Variants in CHD6 observed in about 807,000 individuals in gnomAD.
The protein encoded by CHD6 is chromodomain helicase DNA binding protein 6, also known as ATP-dependent chromatin remodeler CHD6.
Under a neutral mutation model 276.9 loss-of-function variants are expected in CHD6, and 50 were observed. The ratio of observed to expected loss-of-function variants is 0.18; its 90% confidence interval spans 0.14 to 0.23. The LOEUF (loss-of-function observed/expected upper bound fraction) is 0.23. CHD6 is among the 10% of genes least tolerant of loss of function. The probability of loss-of-function intolerance (pLI) is 1.00; values close to 1 mark genes in which losing one functional copy is unlikely to be tolerated. For missense variants in CHD6, 2,564 were observed against 3,365.8 expected (o/e 0.76, Z 5.89); for synonymous variants, 1,173 against 1,229.3 (o/e 0.95, Z 0.96).
chr20:41,473,476 A>G lies in CHD6; in HGVS notation c.2510T>C (p.Leu837Pro). ...ERIDGRVRGN[L>P]RQAAIDRFCK... The stretch of plus-strand genomic sequence containing the variant: ...GAACCGGTCGATGGCTGCCTGGCGC[A>G]GGTTTCCCCGTACTCGCCCATCAAT... Residue 837 changes from leucine (L) to proline (P), a missense_variant, in exon 17 of 37, where the codon CTG (leucine) becomes CCG (proline). Leu to Pro is a moderately conservative substitution (Grantham distance 98). Coordinates refer to ENST00000373233, the MANE Select transcript of CHD6 (RefSeq NM_032221.5). The surrounding 1 kb of genome is among the most constrained non-coding windows in gnomAD (Gnocchi z 4.1). 6.2e-7 allele frequency: 1 copy of G among 1,614,094 alleles called. No individual in the cohort carries two copies. The highest frequency in any genetic ancestry group is 8.5e-7 in the Non-Finnish European group (1 of 1,179,992).
intron 2 of CHD6, among the ~76,000 whole-genome samples, chr20:41,538,295 G>A (rs531000843): frequency 2.6e-4 from 39 of 152,216 alleles, no homozygotes; most frequent in South Asian, 1.2e-3. Flanking sequence ...AGGTTGCAGT[G>A]AGCTGAGATC....
At chr20:41,549,550 G>A (rs1009894743) in intron 2 of CHD6, among the ~76,000 whole-genome samples, 2 of 145,012 alleles carry the variant, frequency 1.4e-5, no homozygotes, top group African/African-American at 5.2e-5. Context: ...GCTAAATGAT[G>A]AGTTAATGGG....
chr20:41,613,770 A>AT (rs2045910622), intron 1 of CHD6, among the ~76,000 whole-genome samples: 1 of 152,248 alleles, frequency 6.6e-6, no homozygotes, highest in South Asian at 2.1e-4. Context: ...TGAGAGGCAC[A>AT]GATCCGTTTG....
chr20:41,585,097 G>T (rs116848520), intron 1 of CHD6, among the ~76,000 whole-genome samples: 1 of 152,262 alleles, frequency 6.6e-6, no homozygotes, highest in Non-Finnish European at 1.5e-5. Context: ...ACATCATGAG[G>T]TATACATTAA....
At chr20:41,428,244 A>G (rs531298170) in intron 27 of CHD6, among the ~76,000 whole-genome samples, 1 of 152,334 alleles carries the variant, frequency 6.6e-6, no homozygotes, top group South Asian at 2.1e-4. Flanking sequence ...CTCTCTAGAA[A>G]TGACAGAATG....
chr20:41,524,288 A>T (rs1043156944), intron 3 of CHD6, among the ~76,000 whole-genome samples: 1 of 152,228 alleles, frequency 6.6e-6, no homozygotes, highest in Non-Finnish European at 1.5e-5. Context: ...GATACTAGTT[A>T]AAAGAAAAAA....
At chr20:41,612,855 T>G (rs941361791) in intron 1 of CHD6, among the ~76,000 whole-genome samples, 5 of 152,172 alleles carry the variant, frequency 3.3e-5, no homozygotes, top group African/African-American at 1.2e-4. Flanking sequence ...TATTATTATC[T>G]ATTATTAAAC....
chr20:41,450,962 T>G lies in CHD6; in HGVS notation c.3667A>C (p.Lys1223Gln). The G allele has an allele frequency of 6.2e-7, 1 of 1,613,432 alleles. No homozygotes were observed. Among genetic ancestry groups the G allele is most frequent in the Non-Finnish European group, 8.5e-7 (1 of 1,179,546 alleles). The change falls in exon 23 of 37, where the codon AAA (lysine) becomes CAA (glutamine). Residue 1223 changes from lysine (K) to glutamine (Q), a missense_variant. Lys to Gln is a moderately conservative substitution (Grantham distance 53, BLOSUM62 1). Around this residue, in one of 7 missense-constraint regions of CHD6, gnomAD observed 515 missense variants for 739.5 expected, o/e 0.70. Transcript: ENST00000373233. ...LHDDGYKKHL[K>Q]QHCNKVLLRV... Reference sequence around the variant, plus strand: ...GACACTCACTTGTTGCAGTGCTGTTTGAGGTGTTTCTTATAGCCATCATCA... The same window carrying G: ...GACACTCACTTGTTGCAGTGCTGTTGGAGGTGTTTCTTATAGCCATCATCA...
rs755058466 is a variant in CHD6 at position 41,525,660 on chromosome 20, T to C, written c.554+7390A>G. Reference sequence around the variant, plus strand: ...GCAGGCTGCGTGTACCATCTTAAAATCTGGAAGCCCCTAAAAAGAACATTT... The same window carrying C: ...GCAGGCTGCGTGTACCATCTTAAAACCTGGAAGCCCCTAAAAAGAACATTT... On this transcript the variant is annotated intron_variant, in intron 3 of 36. Coordinates refer to ENST00000373233, the MANE Select transcript of CHD6 (RefSeq NM_032221.5). Among the ~76,000 whole-genome samples the C allele has an allele frequency of 2.4e-4, 36 of 152,222 alleles. 1 individual carries two copies. Among genetic ancestry groups the C allele is most frequent in the Admixed American group, 5.2e-4 (8 of 15,282 alleles).
chr20:41,420,487 A>G (rs769002625), intron 31 of CHD6, 21 bp downstream of exon 31: 1 of 1,577,620 alleles, frequency 6.3e-7, no homozygotes, highest in Non-Finnish European at 8.6e-7. Flanking sequence ...CCAAAATGCC[A>G]CAAGATCCTA....
In CHD6 at chr20:41,554,350, C is replaced by T. The variant is rs182287540; in HGVS notation, c.-23-2990G>A. Among the ~76,000 whole-genome samples the T allele has an allele frequency of 8.3e-4, 126 of 152,240 alleles. 1 individual carries two copies. The highest frequency in any genetic ancestry group is 2.9e-3 in the African/African-American group (120 of 41,534). On this transcript the variant is annotated intron_variant, in intron 1 of 36. Coordinates refer to ENST00000373233, the MANE Select transcript of CHD6 (RefSeq NM_032221.5). ...CAGGAATGTGGGAAAACAGGTCCTA[C>T]TTATAATTGCTAATGGCACTTTTAT...
At chr20:41,581,451 C>T (rs1288089428) in intron 1 of CHD6, among the ~76,000 whole-genome samples, 3 of 152,050 alleles carry the variant, frequency 2.0e-5, no homozygotes, top group Non-Finnish European at 4.4e-5. Context: ...CCGAGGTAGG[C>T]GGTTCACAAG....
At chr20:41,450,858 G>C in intron 23 of CHD6, 88 bp downstream of exon 23, 1 of 1,216,366 alleles carries the variant, frequency 8.2e-7, no homozygotes, top group Non-Finnish European at 1.2e-6. Context: ...TAGCACAAGA[G>C]CATGAAGTGC....
At chr20:41,429,418 G>A (rs2047464688) in intron 27 of CHD6, among the ~76,000 whole-genome samples, 1 of 152,190 alleles carries the variant, frequency 6.6e-6, no homozygotes, top group Non-Finnish European at 1.5e-5. Flanking sequence ...GGGGGAAGCT[G>A]TAACTTAGAT....
Position 41,420,653 on chromosome 20 carries a change from C to T in CHD6, c.5982G>A (p.Glu1994=). 4.3e-6 allele frequency: 7 copies of T among 1,614,216 alleles called. No individual in the cohort carries two copies. Among genetic ancestry groups the T allele is most frequent in the Non-Finnish European group, 5.9e-6 (7 of 1,180,042 alleles). Residue 1994 remains glutamate (E), a synonymous_variant, in exon 31 of 37, where the codon GAG becomes GAA. Coordinates refer to ENST00000373233, the MANE Select transcript of CHD6 (RefSeq NM_032221.5). ...TTTCTTTCCAAGGTTCTTTTAAAAG[C>T]TCATGCTTCACTTTAAACGGCTGTG... ...IPSQPFKVKH[E]LLKEPWKESA... is the part of the protein sequence containing the mutation.
chr20:41,551,947 A>G (rs570467258), intron 1 of CHD6, among the ~76,000 whole-genome samples: 3 of 152,318 alleles, frequency 2.0e-5, no homozygotes, highest in Non-Finnish European at 4.4e-5. Context: ...TACTCTATCC[A>G]GGACATAAGC....
Position 41,473,299 on chromosome 20 carries a change from A to G in CHD6, c.2664+23T>C, listed in dbSNP as rs1388484932. 1.2e-6 allele frequency: 2 copies of G among 1,610,192 alleles called. No individual in the cohort carries two copies. The highest frequency in any genetic ancestry group is 3.3e-5 in the Admixed American group (2 of 59,938). On this transcript the variant is annotated intron_variant, in intron 17 of 36. Coordinates refer to ENST00000373233, the MANE Select transcript of CHD6 (RefSeq NM_032221.5). This position sits in a 1 kb window ranked among gnomAD's most constrained non-coding sequence, Gnocchi z 4.1. ...CTGGGATCCAGGGCAGCTAAGGTAA[A>G]CAGCAATCATCCTAGTGGTTACCTG...
intron 35 of CHD6, 56 bp downstream of exon 35, chr20:41,413,247 AGCATGCTTTCATCAAAAATAG>A: frequency 1.6e-6 from 2 of 1,230,818 alleles, no homozygotes; most frequent in Non-Finnish European, 2.2e-6. Context: ...GGTTGCCCTC[AGCATGCTTTCATCAAAAATAG>A]CAACAAGTCA....
chr20:41,518,611 T>G (rs1174772395), intron 3 of CHD6, among the ~76,000 whole-genome samples: 2 of 152,176 alleles, frequency 1.3e-5, no homozygotes, highest in African/African-American at 4.8e-5. Flanking sequence ...CTCCCTTATT[T>G]GCAGGTAAAG....
Sources: gnomAD v4.1 joint callset for allele counts (sites outside exome capture counted in the v4.1 genomes callset) on GRCh38, gnomAD v4.1.1 for gene constraint, gnomAD v4.1.1 regional missense constraint, Gnocchi (gnomAD v3.1) non-coding constraint, MANE v1.5 for transcripts, NCBI Gene and HGNC (gene_info 2026-07-23, HGNC 2026-07-21) for gene names.